The following CAST variants were observed in gnomAD, a reference collection of about 807,000 sequenced individuals.
CAST encodes MIR583 host.
In CAST, 76 loss-of-function variants were observed where a neutral mutation model predicts 119.6. The observed-to-expected ratio is 0.64, with a 90% CI of 0.53 to 0.77. The LOEUF is 0.77. Ranked by LOEUF, CAST falls within the 30% of genes least tolerant of loss-of-function variation. CAST has a pLI of 0.00. For missense variants in CAST, 953 were observed against 946.5 expected, an observed-to-expected ratio of 1.01 and a Z score of -0.09; for synonymous variants, 319 against 331.6, an observed-to-expected ratio of 0.96 and a Z score of 0.41.
chr5:96,142,690 G>A, the CAST span, among the ~76,000 whole-genome samples: 1 of 152,106 alleles, frequency 6.6e-6, no homozygotes, highest in African/African-American at 2.4e-5. Context: ...CTACTCACAT[G>A]AGAAGAGGTA....
At chr5:96,629,129 G>C (rs1257591247) in intron 1 of CAST, among the ~76,000 whole-genome samples, 1 of 152,150 alleles carries the variant, frequency 6.6e-6, no homozygotes, top group Non-Finnish European at 1.5e-5. Context: ...AAAGATAATT[G>C]GGTCACAAGG....
At chr5:96,074,025 C>T in the CAST span, among the ~76,000 whole-genome samples, 36 of 152,250 alleles carry the variant, frequency 2.4e-4, no homozygotes, top group Non-Finnish European at 4.7e-4. Flanking sequence ...CCAAGCTAGG[C>T]TAATCACATT....
intron 1 of CAST, among the ~76,000 whole-genome samples, chr5:96,626,519 C>T (rs1435776227): frequency 6.6e-6 from 1 of 152,182 alleles, no homozygotes; most frequent in African/African-American, 2.4e-5. Flanking sequence ...GGATGCGCTC[C>T]CTCCTGGCAG....
At chr5:96,700,226 ATAAT>A (rs1289651029) in intron 3 of CAST, among the ~76,000 whole-genome samples, 1 of 152,204 alleles carries the variant, frequency 6.6e-6, no homozygotes, top group East Asian at 1.9e-4. Flanking sequence ...TTTTATTTTA[ATAAT>A]TATGCTTATA....
chr5:96,752,819 T>A (rs1287800796), intron 20 of CAST, among the ~76,000 whole-genome samples: 3 of 151,986 alleles, frequency 2.0e-5, no homozygotes, highest in Non-Finnish European at 4.4e-5. Flanking sequence ...AACTCTGAGA[T>A]TGTTTGACCC....
chr5:96,139,000 C>T, the CAST span, among the ~76,000 whole-genome samples: 1 of 151,908 alleles, frequency 6.6e-6, no homozygotes, highest in Non-Finnish European at 1.5e-5. Context: ...CACCTTGCAC[C>T]TAATTTAAAG....
At chr5:96,553,494 C>A (rs1379970351) in intron 1 of CAST, among the ~76,000 whole-genome samples, 1 of 151,638 alleles carries the variant, frequency 6.6e-6, no homozygotes, top group Non-Finnish European at 1.5e-5. Flanking sequence ...CTTTGAAAAC[C>A]AGCACAAGGA....
chr5:96,553,023 C>A (rs896363701), intron 1 of CAST, among the ~76,000 whole-genome samples: 2 of 152,112 alleles, frequency 1.3e-5, no homozygotes, highest in African/African-American at 2.4e-5. Flanking sequence ...CTATTCTGAT[C>A]AATAGAAATA....
chr5:96,477,146 C>T, the CAST span, among the ~76,000 whole-genome samples: 1 of 147,018 alleles, frequency 6.8e-6, no homozygotes, highest in African/African-American at 2.6e-5. Context: ...CAAAAGATTA[C>T]TTTTAATGTT....
intron 3 of CAST, chr5:96,696,205 A>G (rs1441368225): frequency 1.1e-5 from 2 of 179,002 alleles, no homozygotes; most frequent in Non-Finnish European, 2.4e-5. Context: ...TACTGTGAGT[A>G]AAAACGTAGT....
intron 9 of CAST, among the ~76,000 whole-genome samples, chr5:96,735,969 C>CT (rs1275108725): frequency 1.3e-5 from 2 of 152,220 alleles, no homozygotes; most frequent in Non-Finnish European, 2.9e-5. Flanking sequence ...CTGAGCCTTG[C>CT]TTTGCCCATC....
the CAST span, among the ~76,000 whole-genome samples, chr5:96,149,171 A>T: frequency 1.3e-5 from 2 of 152,122 alleles, no homozygotes; most frequent in Non-Finnish European, 2.9e-5. Flanking sequence ...GGAATTGGGG[A>T]ATGAGACTTG....
At chr5:96,275,973 T>C in the CAST span, among the ~76,000 whole-genome samples, 1 of 152,370 alleles carries the variant, frequency 6.6e-6, no homozygotes, top group Non-Finnish European at 1.5e-5. Flanking sequence ...TTCCAAAAGC[T>C]ATTATTTAAA....
chr5:96,027,585 T>C, the CAST span, among the ~76,000 whole-genome samples: 1 of 152,006 alleles, frequency 6.6e-6, no homozygotes, highest in Admixed American at 6.6e-5. Context: ...AAAATAACAA[T>C]GTGGAAACAA....
chr5:96,209,744 T>G, the CAST span, among the ~76,000 whole-genome samples: 2 of 137,504 alleles, frequency 1.5e-5, no homozygotes, highest in Non-Finnish European at 3.0e-5. Context: ...GACCTTCCCC[T>G]TCTATCTTCC....
chr5:96,216,879 G>T, the CAST span, among the ~76,000 whole-genome samples: 1 of 152,118 alleles, frequency 6.6e-6, no homozygotes, highest in African/African-American at 2.4e-5. Context: ...CATGACAAAA[G>T]TGACTAGTTT....
chr5:96,100,204 C>G, the CAST span, among the ~76,000 whole-genome samples: 18 of 152,138 alleles, frequency 1.2e-4, no homozygotes, highest in Non-Finnish European at 2.2e-4. Context: ...ACTGCACAGG[C>G]CTGGAAGTAT....
chr5:96,471,072 T>C, the CAST span, among the ~76,000 whole-genome samples: 1 of 152,070 alleles, frequency 6.6e-6, no homozygotes. Flanking sequence ...TGGAGATCTT[T>C]GTAATTGTGT....
intron 1 of CAST, among the ~76,000 whole-genome samples, chr5:96,669,560 G>A (rs1163709301): frequency 6.6e-6 from 1 of 152,176 alleles, no homozygotes; most frequent in Non-Finnish European, 1.5e-5. Context: ...GTACAATAAA[G>A]TGCTAATTTG....
Sources: allele counts gnomAD v4.1 joint callset (sites outside exome capture counted in the v4.1 genomes callset), GRCh38; gene constraint gnomAD v4.1.1; transcripts MANE v1.5; gene names NCBI Gene and HGNC (gene_info 2026-07-23, HGNC 2026-07-21).